Variants in EHMT2 observed in about 807,000 individuals in gnomAD.
EHMT2 encodes euchromatic histone lysine methyltransferase 2, also known as histone-lysine N-methyltransferase EHMT2.
A neutral mutation model predicts 143.3 loss-of-function variants in EHMT2; 59 were observed. That is an observed-to-expected ratio of 0.41 (90% CI 0.33 to 0.51). The LOEUF is 0.51. Among genes scored for constraint, EHMT2 ranks in the 20% least tolerant of loss-of-function variants. The pLI is 0.18. For missense variants in EHMT2, 1,174 were observed against 1,645.9 expected, an observed-to-expected ratio of 0.71 and a Z score of 4.96; for synonymous variants, 604 against 651.5, an observed-to-expected ratio of 0.93 and a Z score of 1.11.
At chr6:31,896,566 G>C (rs778982015) in intron 3 of EHMT2, 40 bp downstream of exon 3, 3 of 1,598,306 alleles carry the variant, frequency 1.9e-6, no homozygotes, top group East Asian at 4.5e-5. Flanking sequence ...GCAAGAGTCA[G>C]AAATTTCCCA....
At chr6:31,893,463 A>G in intron 4 of EHMT2, 1 of 391,982 alleles carries the variant, frequency 2.6e-6, no homozygotes, top group Non-Finnish European at 5.1e-6. Flanking sequence ...GATTACAGGC[A>G]CATGTCACAA....
chr6:31,884,392 C>A lies in EHMT2; in HGVS notation c.2771G>T (p.Arg924Leu). The change falls in exon 21 of 28, where the codon CGG becomes CTG. Residue 924 changes from arginine to leucine, a missense_variant and splice_region_variant. This residue lies in a region of EHMT2 where 608 missense variants were observed against 903.7 expected (regional missense o/e 0.67). Transcript: ENST00000375537. The surrounding 1 kb of genome is among the most constrained non-coding windows in gnomAD (Gnocchi z 7.3). ...GTGCAGAGAGGGGCCCAGGGCTCACCGGCAGATGATCTTCTCTGTGCGGAT... is the reference window on the plus strand; with the variant it reads ...GTGCAGAGAGGGGCCCAGGGCTCACAGGCAGATGATCTTCTCTGTGCGGAT... 1 of 1,610,590 alleles carries A rather than the reference C, an allele frequency of 6.2e-7. No homozygotes were observed. Among genetic ancestry groups the A allele is most frequent in the Non-Finnish European group, 8.5e-7 (1 of 1,179,236 alleles).
chr6:31,894,790 C>T (rs1396173579), intron 4 of EHMT2, among the ~76,000 whole-genome samples: 1 of 149,546 alleles, frequency 6.7e-6, no homozygotes, highest in Non-Finnish European at 1.5e-5. Context: ...TACAGGCGCA[C>T]GCCACCACAC....
In EHMT2 at chr6:31,889,516, TTCC is replaced by T. The variant is rs748620751; in HGVS notation, c.948_950del (p.Glu323del). ...CCTCATCTTCCTCTTCTTCTTCCTC[TTCC>T]TCCTCCTCTTCCTCTTCTTCTTCTT... On this transcript the variant is annotated inframe_deletion, in exon 8 of 28. Coordinates refer to ENST00000375537, the Ensembl canonical transcript of EHMT2. This position sits in a 1 kb window ranked among gnomAD's most constrained non-coding sequence, Gnocchi z 5.1. 62 of 1,612,152 alleles carry T rather than the reference TTCC, an allele frequency of 3.8e-5. No homozygotes were observed. The highest frequency in any genetic ancestry group is 1.3e-4 in the African/African-American group (10 of 74,892).
chr6:31,882,680 G>A lies in EHMT2; in HGVS notation c.3197+19C>T. ...GTATCCCCTTCCCACCAGGTGTTAA[G>A]GTGCTCCCGGTGACTTACTCGCAGA... is the stretch of plus-strand genomic sequence containing the variant. On this transcript the variant is annotated intron_variant, in intron 25 of 27. Coordinates refer to ENST00000375537, the Ensembl canonical transcript of EHMT2. 1 of 1,608,212 alleles carries A rather than the reference G, an allele frequency of 6.2e-7. No homozygotes were observed. Among genetic ancestry groups the A allele is most frequent in the South Asian group, 1.1e-5 (1 of 90,042 alleles).
intron 18 of EHMT2, 107 bp downstream of exon 18, chr6:31,886,474 C>T (rs1581909111): frequency 2.0e-5 from 17 of 846,314 alleles, no homozygotes; most frequent in East Asian, 2.0e-4. Flanking sequence ...AGGACAGACA[C>T]GAGCAGTGTG....
intron 18 of EHMT2, chr6:31,886,378 A>G (rs923282291): frequency 1.3e-5 from 8 of 594,612 alleles, no homozygotes; most frequent in African/African-American, 1.9e-5. Flanking sequence ...TAAGACAGGA[A>G]CTGATTATTC....
rs752271572 is a variant in EHMT2 at position 31,896,524 on chromosome 6, A to G, written c.329-8T>C. 7.4e-6 allele frequency: 12 copies of G among 1,612,102 alleles called. No individual in the cohort carries two copies. The highest frequency in any genetic ancestry group is 9.3e-6 in the Non-Finnish European group (11 of 1,179,494). Reference sequence around the variant, plus strand: ...ATGACTTTGTGGCATGGCCTAGAAAACAGGCAAGCAAAAGGCAAGATAAGA... The same window carrying G: ...ATGACTTTGTGGCATGGCCTAGAAAGCAGGCAAGCAAAAGGCAAGATAAGA... On this transcript the variant is annotated splice_polypyrimidine_tract_variant and splice_region_variant and intron_variant, in intron 3 of 27. Coordinates refer to ENST00000375537, the Ensembl canonical transcript of EHMT2.
chr6:31,897,670 G>A, exon 1 of EHMT2: 5 of 1,145,480 alleles, frequency 4.4e-6, no homozygotes, highest in East Asian at 3.7e-5. Flanking sequence ...TCCCGCCGCC[G>A]CCGCCATCGC....
chr6:31,887,442 G>T, intron 15 of EHMT2, 135 bp downstream of exon 15: 2 of 769,554 alleles, frequency 2.6e-6, no homozygotes, highest in South Asian at 3.3e-5. Flanking sequence ...GGTTACATGT[G>T]TCTTTTCCCC....
At chr6:31,892,349 C>T (rs1765798048) in intron 7 of EHMT2, 58 bp downstream of exon 7, 3 of 1,580,840 alleles carry the variant, frequency 1.9e-6, no homozygotes, top group Non-Finnish European at 2.6e-6. Context: ...GAGGACTGGA[C>T]AGTGAGCCCC....
In EHMT2 at chr6:31,880,605, C is replaced by CT; in HGVS notation, c.3452+67dup. 2 of 1,542,610 alleles carry CT rather than the reference C, an allele frequency of 1.3e-6. No individual in the cohort carries two copies. Among genetic ancestry groups the CT allele is most frequent in the Non-Finnish European group, 1.8e-6 (2 of 1,124,654 alleles). On this transcript the variant is annotated intron_variant, in intron 27 of 27. Transcript: ENST00000375537. This position sits in a 1 kb window ranked among gnomAD's most constrained non-coding sequence, Gnocchi z 6.6. ...GCCTGGACACCAGGTACATGCCAGC[C>CT]TTCAGGTCCCAGGTTTGCTGCATCT...
In EHMT2 at chr6:31,884,926, T is replaced by C. The variant is rs564054540; in HGVS notation, c.2434A>G (p.Thr812Ala). 1.2e-6 allele frequency: 2 copies of C among 1,605,170 alleles called. No homozygotes were observed. Among genetic ancestry groups the C allele is most frequent in the Admixed American group, 1.7e-5 (1 of 59,770 alleles). Residue 812 changes from threonine (T) to alanine (A), a missense_variant, in exon 19 of 28, where the codon ACC becomes GCC. Thr to Ala is a moderately conservative substitution (Grantham distance 58). Around this residue, in one of 6 missense-constraint regions of EHMT2, gnomAD observed 608 missense variants for 903.7 expected, o/e 0.67. Transcript: ENST00000375537. The surrounding 1 kb of genome is among the most constrained non-coding windows in gnomAD (Gnocchi z 7.3). Reference sequence around the variant, plus strand: ...CGCTCACTCACGTTGTCAGTGAGGGTGACGTCGGCGCCCCGCGTCAGTAGC... The same window carrying C: ...CGCTCACTCACGTTGTCAGTGAGGGCGACGTCGGCGCCCCGCGTCAGTAGC...
rs776240201 is a variant in EHMT2, at chr6:31,888,446, C to G, written c.1426G>C (p.Ala476Pro). The G allele has an allele frequency of 9.9e-6, 16 of 1,612,828 alleles. No individual in the cohort carries two copies. The highest frequency in any genetic ancestry group is 1.3e-5 in the Non-Finnish European group (15 of 1,179,922). Residue 476 changes from alanine to proline, a missense_variant, in exon 12 of 28, where the codon GCC becomes CCC. By Grantham distance (27) the Ala-to-Pro change is conservative. Coordinates refer to ENST00000375537, the Ensembl canonical transcript of EHMT2. The surrounding 1 kb of genome is among the most constrained non-coding windows in gnomAD (Gnocchi z 7.4). ...TGGGTCTCACAGAGCACCATCAGGG[C>G]CACACGGCTGGATGGCCTCATGGTC...
At chr6:31,885,342 G>A (rs889181999) in intron 18 of EHMT2, 44 of 209,324 alleles carry the variant, frequency 2.1e-4, no homozygotes, top group Middle Eastern at 3.7e-3. Context: ...GCTGGGCGTG[G>A]TGGCAGGCGC....
rs764158763 is a variant in EHMT2 at position 31,888,746 on chromosome 6, C to T, written c.1218G>A (p.Gly406=). 2 of 1,612,666 alleles carry T rather than the reference C, an allele frequency of 1.2e-6. No individual in the cohort carries two copies. Among genetic ancestry groups the T allele is most frequent in the Non-Finnish European group, 1.7e-6 (2 of 1,179,954 alleles). Residue 406 remains glycine, a splice_region_variant and synonymous_variant, in exon 11 of 28, where the codon GGG becomes GGA. Transcript: ENST00000375537. This position sits in a 1 kb window ranked among gnomAD's most constrained non-coding sequence, Gnocchi z 7.4. The stretch of plus-strand genomic sequence containing the variant: ...CCAGCGAAGATGTGTCATTGGACAC[C>T]CCTTGGATGGAGGAAAAGAGGAGCT...
At chr6:31,895,937 G>A (rs1319033768) in intron 4 of EHMT2, 1 of 281,782 alleles carries the variant, frequency 3.5e-6, no homozygotes, top group Non-Finnish European at 6.6e-6. Context: ...AGCAGTGACA[G>A]ATGAGTTCCC....
In EHMT2 at chr6:31,887,722, G is replaced by A. The variant is rs568670709; in HGVS notation, c.1928+57C>T. On this transcript the variant is annotated intron_variant, in intron 14 of 27. Coordinates refer to ENST00000375537, the Ensembl canonical transcript of EHMT2. ...CTCCTCAGATTCCAGCATCAGCCTC[G>A]ACACCACTCCTCTGGCCTCAGCCCC... is the stretch of plus-strand genomic sequence containing the variant. The A allele has an allele frequency of 2.8e-5, 45 of 1,607,130 alleles. No homozygotes were observed. The East Asian group carries it at 7.4e-4, about 26-fold the overall frequency.
intron 1 of EHMT2, chr6:31,897,245 C>A (rs542131856): frequency 1.8e-6 from 2 of 1,120,670 alleles, no homozygotes; most frequent in African/African-American, 3.2e-5. Flanking sequence ...GCGGGGCCTC[C>A]GCGCCCCGGC....
Sources: allele counts gnomAD v4.1 joint callset (sites outside exome capture counted in the v4.1 genomes callset), GRCh38; gene constraint gnomAD v4.1.1; regional missense constraint gnomAD v4.1.1; non-coding constraint Gnocchi (gnomAD v3.1); transcripts MANE v1.5; gene names NCBI Gene and HGNC (gene_info 2026-07-23, HGNC 2026-07-21).